IRF2BP1: variants seen among roughly 807,000 people sequenced by gnomAD.
IRF2BP1 encodes the protein interferon regulatory factor 2-binding protein 1.
A neutral mutation model predicts 38.6 loss-of-function variants in IRF2BP1; 9 were observed. The observed-to-expected ratio is 0.23, with a 90% CI of 0.14 to 0.41. The LOEUF is 0.41. Ranked by LOEUF, IRF2BP1 falls within the 10% of genes least tolerant of loss-of-function variation. The pLI is 1.00. For synonymous variants in IRF2BP1, 416 were observed against 383.4 expected, an observed-to-expected ratio of 1.08 and a Z score of -0.99; for missense variants, 631 against 829.6, an observed-to-expected ratio of 0.76 and a Z score of 2.94.
chr19:45,883,857 C>T lies in IRF2BP1; in HGVS notation c.*163G>A. 1.6e-6 allele frequency: 1 copy of T among 617,812 alleles called. No homozygotes were observed. The highest frequency in any genetic ancestry group is 2.6e-6 in the Non-Finnish European group (1 of 381,618). The allele number at this position is 617,812 out of a possible 1,614,324, so 38.3% of individuals were successfully genotyped here. On this transcript the variant is annotated 3_prime_UTR_variant, in exon 1 of 1. Transcript: ENST00000302165. Reference sequence around the variant, plus strand: ...GGACAGGAGCCACAAGCTTTCTCCCCCCACCCACAATGCATCTACCCCAGG... The same window carrying T: ...GGACAGGAGCCACAAGCTTTCTCCCTCCACCCACAATGCATCTACCCCAGG...
Position 45,885,844 on chromosome 19 carries a change from G to T in IRF2BP1, c.-70C>A. 1 of 1,425,542 alleles carries T rather than the reference G, an allele frequency of 7.0e-7. No homozygotes were observed. The highest frequency in any genetic ancestry group is 9.1e-7 in the Non-Finnish European group (1 of 1,094,640). The allele number at this position is 1,425,542 out of a possible 1,614,324, so 88.3% of individuals were successfully genotyped here. On this transcript the variant is annotated 5_prime_UTR_variant, in exon 1 of 1. Coordinates refer to ENST00000302165, the MANE Select transcript of IRF2BP1 (RefSeq NM_015649.3). ...CCGACGTGCGATCCGCGCCGCCAAC[G>T]TTCGATCCGCGTCCCGGGGACAGCG...
chr19:45,885,901 C>A lies in IRF2BP1; in HGVS notation c.-127G>T, dbSNP rs1967049849. The A allele has an allele frequency of 3.5e-6, 4 of 1,128,644 alleles. No homozygotes were observed. In the African/African-American group the frequency reaches 5.0e-5, roughly 14 times the overall value. 69.9% of individuals were successfully genotyped at this position (1,128,644 alleles called of 1,614,324 possible). ...ACGGTCCGGCCTCCGGCTCGGCCTCCCCGCCGGATCCAGGCCCGGCCCCCC... is the reference window on the plus strand; with the variant it reads ...ACGGTCCGGCCTCCGGCTCGGCCTCACCGCCGGATCCAGGCCCGGCCCCCC... On this transcript the variant is annotated 5_prime_UTR_variant, in exon 1 of 1. Coordinates refer to ENST00000302165, the MANE Select transcript of IRF2BP1 (RefSeq NM_015649.3).
In IRF2BP1 at chr19:45,884,891, T is replaced by C; in HGVS notation, c.884A>G (p.Gln295Arg). 2 of 1,613,070 alleles carry C rather than the reference T, an allele frequency of 1.2e-6. No individual in the cohort carries two copies. The highest frequency in any genetic ancestry group is 1.7e-6 in the Non-Finnish European group (2 of 1,180,022). ...CTCCCGCAGAGCATCGTGGAACATCTGGCGAGCCACTGCCAGGACGCCGGC... is the reference window on the plus strand; with the variant it reads ...CTCCCGCAGAGCATCGTGGAACATCCGGCGAGCCACTGCCAGGACGCCGGC... ...VYAGVLAVAR[Q>R]MFHDALREPG... The change falls in exon 1 of 1, where the codon CAG becomes CGG. Residue 295 changes from glutamine to arginine, a missense_variant. Gln to Arg is a conservative substitution (Grantham distance 43). Transcript: ENST00000302165.
chr19:45,885,505 C>A lies in IRF2BP1; in HGVS notation c.270G>T (p.Leu90=). The A allele has an allele frequency of 1.4e-6, 2 of 1,430,750 alleles. No individual in the cohort carries two copies. The highest frequency in any genetic ancestry group is 2.6e-5 in the East Asian group (1 of 37,924). The allele number at this position is 1,430,750 out of a possible 1,614,324, so 88.6% of individuals were successfully genotyped here. A position where few individuals can be genotyped will look rare whatever the true frequency, so the allele number is the denominator to read the frequency against. ...GCTGGGGCTGGGCCTGCGGGGGCGG[C>A]AGCTGGGGCCCCTGTGCGGCTGCCG... ...LAAAAAQGPQ[L]PPPQAQPQPS... is the part of the protein sequence containing the mutation. Residue 90 remains leucine (L), a synonymous_variant, in exon 1 of 1, where the codon CTG becomes CTT. Coordinates refer to ENST00000302165, the MANE Select transcript of IRF2BP1 (RefSeq NM_015649.3).
At position 45,884,706 on chromosome 19, in the gene IRF2BP1, G is replaced by T; in HGVS notation, c.1069C>A (p.Pro357Thr). ...GGGCCACAGAGAGCCGCAGGGGCCG[G>T]CTCTGGGTACTGCTGGGGCAGGGCC... ...AEALPQQYPE[P>T]APAALCGPPP... is the part of the protein sequence containing the mutation. The change falls in exon 1 of 1, where the codon CCG becomes ACG. Residue 357 changes from proline (P) to threonine (T), a missense_variant. By Grantham distance (38) the Pro-to-Thr change is conservative. Transcript: ENST00000302165. 1 of 1,609,134 alleles carries T rather than the reference G, an allele frequency of 6.2e-7. No individual in the cohort carries two copies. Among genetic ancestry groups the T allele is most frequent in the Non-Finnish European group, 8.5e-7 (1 of 1,178,750 alleles).
rs1322293112 is a variant in IRF2BP1 at position 45,884,372 on chromosome 19, A to C, written c.1403T>G (p.Leu468Arg). The change falls in exon 1 of 1, where the codon CTT (leucine) becomes CGT (arginine). Residue 468 changes from leucine (L) to arginine (R), a missense_variant. Physicochemically the swap from Leu to Arg is moderately radical, Grantham distance 102. Coordinates refer to ENST00000302165, the MANE Select transcript of IRF2BP1 (RefSeq NM_015649.3). The stretch of plus-strand genomic sequence containing the variant: ...TTCTGCTTCGCCGTTGCGGGCCACA[A>C]GGCGATGCTGGGTTGGCGGCTGGGC... ...STAQPPTQHR[L>R]VARNGEAEVS... The C allele has an allele frequency of 6.2e-7, 1 of 1,606,882 alleles. No homozygotes were observed. Among genetic ancestry groups the C allele is most frequent in the East Asian group, 2.2e-5 (1 of 44,802 alleles).
chr19:45,884,470 G>C lies in IRF2BP1; in HGVS notation c.1305C>G (p.His435Gln), dbSNP rs753237610. 2.5e-6 allele frequency: 4 copies of C among 1,599,880 alleles called. No individual in the cohort carries two copies. Among genetic ancestry groups the C allele is most frequent in the Non-Finnish European group, 3.4e-6 (4 of 1,178,978 alleles). Residue 435 changes from histidine to glutamine, a missense_variant, in exon 1 of 1, where the codon CAC becomes CAG. Physicochemically the swap from His to Gln is conservative, Grantham distance 24. This residue lies in a region of IRF2BP1 where 201 missense variants were observed against 215.3 expected (regional missense o/e 0.93). Coordinates refer to ENST00000302165, the MANE Select transcript of IRF2BP1 (RefSeq NM_015649.3). ...CGCCTCCGCCAGGGTCCTTGGGTGA[G>C]TGGCCCAGGGCTTCGGCCACATTCT... ...ALKNVAEALG[H>Q]SPKDPGGGGG... is the part of the protein sequence containing the mutation.
rs1036497603 is a variant in IRF2BP1 at position 45,884,620 on chromosome 19, G to A, written c.1155C>T (p.Pro385=). The A allele has an allele frequency of 1.3e-6, 2 of 1,599,794 alleles. No individual in the cohort carries two copies. The highest frequency in any genetic ancestry group is 3.3e-5 in the Admixed American group (2 of 59,872). Residue 385 remains proline, a synonymous_variant, in exon 1 of 1, where the codon CCC becomes CCT. Coordinates refer to ENST00000302165, the MANE Select transcript of IRF2BP1 (RefSeq NM_015649.3). ...APTPRRRKAS[P]EPEGEAAGKM... ...TCCCAGCCGCCTCGCCCTCCGGCTCGGGGGATGCCTTGCGACGGCGCGGCG... is the reference window on the plus strand; with the variant it reads ...TCCCAGCCGCCTCGCCCTCCGGCTCAGGGGATGCCTTGCGACGGCGCGGCG...
At position 45,885,454 on chromosome 19, in the gene IRF2BP1, C is replaced by G. The variant is rs1046108131; in HGVS notation, c.321G>C (p.Ser107=). ...PQPSGTGGGV[S]GQDRYDRATS... The stretch of plus-strand genomic sequence containing the variant: ...TGGCCCTGTCATAGCGGTCCTGGCC[C>G]GACACGCCGCCGCCGGTCCCTGACG... Residue 107 remains serine (S), a synonymous_variant, in exon 1 of 1, where the codon TCG becomes TCC. Coordinates refer to ENST00000302165, the MANE Select transcript of IRF2BP1 (RefSeq NM_015649.3). 3 of 1,493,016 alleles carry G rather than the reference C, an allele frequency of 2.0e-6. No individual in the cohort carries two copies. Among genetic ancestry groups the G allele is most frequent in the Non-Finnish European group, 2.7e-6 (3 of 1,126,312 alleles). The allele number at this position is 1,493,016 out of a possible 1,614,324, so 92.5% of individuals were successfully genotyped here. A position where few individuals can be genotyped will look rare whatever the true frequency, so the allele number is the denominator to read the frequency against.
In IRF2BP1 at chr19:45,884,268, A is replaced by G; in HGVS notation, c.1507T>C (p.Cys503Arg). 3 of 1,610,108 alleles carry G rather than the reference A, an allele frequency of 1.9e-6. No individual in the cohort carries two copies. ...TGATPGAPLC[C>R]TLCRERLEDT... Reference sequence around the variant, plus strand: ...TCTAGCCGCTCCCTGCACAGGGTACAGCACAGGGGGGCCCCAGGGGTCGCC... The same window carrying G: ...TCTAGCCGCTCCCTGCACAGGGTACGGCACAGGGGGGCCCCAGGGGTCGCC... Residue 503 changes from cysteine to arginine, a missense_variant, in exon 1 of 1, where the codon TGT (cysteine) becomes CGT (arginine). Coordinates refer to ENST00000302165, the MANE Select transcript of IRF2BP1 (RefSeq NM_015649.3).
In IRF2BP1 at chr19:45,885,087, G is replaced by C; in HGVS notation, c.688C>G (p.Arg230Gly). ...EEWHGRPKAV[R>G]EQLLALSACA... ...GCGGACAGCGCCAGTAGCTGTTCCC[G>C]CACTGCTTTGGGGCGCCCGTGCCAT... Residue 230 changes from arginine to glycine, a missense_variant, in exon 1 of 1, where the codon CGG becomes GGG. By Grantham distance (125) the Arg-to-Gly change is moderately radical. Coordinates refer to ENST00000302165, the MANE Select transcript of IRF2BP1 (RefSeq NM_015649.3). The C allele has an allele frequency of 6.2e-7, 1 of 1,612,208 alleles. No homozygotes were observed. The highest frequency in any genetic ancestry group is 8.5e-7 in the Non-Finnish European group (1 of 1,180,028).
Position 45,884,863 on chromosome 19 carries a change from C to G in IRF2BP1, c.912G>C (p.Pro304=). Residue 304 remains proline, a synonymous_variant, in exon 1 of 1, where the codon CCG becomes CCC. Coordinates refer to ENST00000302165, the MANE Select transcript of IRF2BP1 (RefSeq NM_015649.3). ...AGCCCGAAGAAGCCAGTGCCTTGCCCGGCTCCCGCAGAGCATCGTGGAACA... is the reference window on the plus strand; with the variant it reads ...AGCCCGAAGAAGCCAGTGCCTTGCCGGGCTCCCGCAGAGCATCGTGGAACA... The part of the protein sequence containing the change: ...RQMFHDALRE[P]GKALASSGFK... 6.2e-7 allele frequency: 1 copy of G among 1,613,068 alleles called. No individual in the cohort carries two copies. Among genetic ancestry groups the G allele is most frequent in the South Asian group, 1.1e-5 (1 of 91,090 alleles).
chr19:45,885,211 G>A lies in IRF2BP1; in HGVS notation c.564C>T (p.Ala188=), dbSNP rs940899883. 1.9e-6 allele frequency: 3 copies of A among 1,606,748 alleles called. No individual in the cohort carries two copies. Among genetic ancestry groups the A allele is most frequent in the Admixed American group, 3.3e-5 (2 of 60,012 alleles). ...GLTLAPGLSP[A]RPLFGSDFEK... is the part of the protein sequence containing the mutation. ...CGAAATCGGAGCCGAAGAGGGGACG[G>A]GCAGGACTCAAGCCGGGTGCCAGCG... Residue 188 remains alanine (A), a synonymous_variant, in exon 1 of 1, where the codon GCC becomes GCT. Transcript: ENST00000302165.
Position 45,885,090 on chromosome 19 carries a change from CT to C in IRF2BP1, c.684del (p.Val229CysfsTer44). The C allele has an allele frequency of 6.2e-7, 1 of 1,612,282 alleles. No individual in the cohort carries two copies. The highest frequency in any genetic ancestry group is 8.5e-7 in the Non-Finnish European group (1 of 1,180,040). On this transcript the variant is annotated frameshift_variant, in exon 1 of 1. Coordinates refer to ENST00000302165, the MANE Select transcript of IRF2BP1 (RefSeq NM_015649.3). LOFTEE classifies it high-confidence loss of function. ...RAEEWHGRPK[A>X]VREQLLALSA... Reference sequence around the variant, plus strand: ...GACAGCGCCAGTAGCTGTTCCCGCACTGCTTTGGGGCGCCCGTGCCATTCCT... The same window carrying C: ...GACAGCGCCAGTAGCTGTTCCCGCACGCTTTGGGGCGCCCGTGCCATTCCT...
In IRF2BP1 at chr19:45,884,146, C is replaced by T; in HGVS notation, c.1629G>A (p.Glu543=). The change falls in exon 1 of 1, where the codon GAG becomes GAA. Residue 543 remains glutamate (E), a synonymous_variant. Transcript: ENST00000302165. ...EFIKAQGPAG[E]VYCPSGDKCP... ...ACTTGTCTCCGCTCGGGCAGTACAC[C>T]TCCCCGGCCGGGCCCTGCGCCTTGA... 2 of 1,613,276 alleles carry T rather than the reference C, an allele frequency of 1.2e-6. No homozygotes were observed. The highest frequency in any genetic ancestry group is 1.1e-5 in the South Asian group (1 of 91,062).
rs750105470 is a variant in IRF2BP1, at chr19:45,885,362, T to C, written c.413A>G (p.Asn138Ser). The change falls in exon 1 of 1, where the codon AAT becomes AGT. Residue 138 changes from asparagine (N) to serine (S), a missense_variant. Asn to Ser is a conservative substitution (Grantham distance 46). Transcript: ENST00000302165. ...LEYTLGSRLA[N>S]GLGREEAVAE... Reference sequence around the variant, plus strand: ...CACGGCCTCCTCACGGCCCAGCCCATTGGCCAGGCGGGACCCCAGAGTGTA... The same window carrying C: ...CACGGCCTCCTCACGGCCCAGCCCACTGGCCAGGCGGGACCCCAGAGTGTA... 3.1e-6 allele frequency: 5 copies of C among 1,608,794 alleles called. No individual in the cohort carries two copies. Among genetic ancestry groups the C allele is most frequent in the Non-Finnish European group, 4.2e-6 (5 of 1,179,560 alleles).
At position 45,885,670 on chromosome 19, in the gene IRF2BP1, G is replaced by T. The variant is rs991626212; in HGVS notation, c.105C>A (p.Gly35=). ...VWDFSEAVCR[G]CVNFEGADRI... The stretch of plus-strand genomic sequence containing the variant: ...GGTCCGCGCCCTCGAAGTTCACGCA[G>T]CCGCGACACACGGCCTCGCTGAAGT... The change falls in exon 1 of 1, where the codon GGC becomes GGA. Residue 35 remains glycine (G), a synonymous_variant. Transcript: ENST00000302165. 1 of 1,583,902 alleles carries T rather than the reference G, an allele frequency of 6.3e-7. No individual in the cohort carries two copies. The highest frequency in any genetic ancestry group is 1.1e-5 in the South Asian group (1 of 89,502).
At position 45,884,916 on chromosome 19, in the gene IRF2BP1, C is replaced by T. The variant is rs145130912; in HGVS notation, c.859G>A (p.Ala287Thr). The change falls in exon 1 of 1, where the codon GCC (alanine) becomes ACC (threonine). Residue 287 changes from alanine (A) to threonine (T), a missense_variant. Physicochemically the swap from Ala to Thr is moderately conservative, Grantham distance 58. Coordinates refer to ENST00000302165, the MANE Select transcript of IRF2BP1 (RefSeq NM_015649.3). Reference protein sequence around the residue: ...EYPCGSGNVYAGVLAVARQMF... With the variant: ...EYPCGSGNVYTGVLAVARQMF... ...TGGCGAGCCACTGCCAGGACGCCGG[C>T]GTACACATTGCCGGAACCACAGGGG... 5 of 1,613,232 alleles carry T rather than the reference C, an allele frequency of 3.1e-6. No homozygotes were observed. Among genetic ancestry groups the T allele is most frequent in the East Asian group, 4.5e-5 (2 of 44,898 alleles).
In IRF2BP1 at chr19:45,884,703, C is replaced by G; in HGVS notation, c.1072G>C (p.Ala358Pro). 6.2e-7 allele frequency: 1 copy of G among 1,608,062 alleles called. No homozygotes were observed. The highest frequency in any genetic ancestry group is 8.5e-7 in the Non-Finnish European group (1 of 1,178,214). The change falls in exon 1 of 1, where the codon GCC becomes CCC. Residue 358 changes from alanine (A) to proline (P), a missense_variant. Transcript: ENST00000302165. ...GGTGGGCCACAGAGAGCCGCAGGGG[C>G]CGGCTCTGGGTACTGCTGGGGCAGG... ...EALPQQYPEP[A>P]PAALCGPPPR...
Sources: gnomAD v4.1 joint callset for allele counts on GRCh38, gnomAD v4.1.1 for gene constraint, gnomAD v4.1.1 regional missense constraint, MANE v1.5 for transcripts, NCBI Gene and HGNC (gene_info 2026-07-23, HGNC 2026-07-21) for gene names.